SOX5: variants seen among roughly 807,000 people sequenced by gnomAD.
SOX5 encodes the protein transcription factor SOX-5.
A neutral mutation model predicts 92.0 loss-of-function variants in SOX5; 9 were observed. The observed-to-expected ratio is 0.10, with a 90% CI of 0.06 to 0.17. The LOEUF (loss-of-function observed/expected upper bound fraction) is 0.17, where lower values mean the gene tolerates loss of function less well. SOX5 is among the 10% of genes least tolerant of loss of function. SOX5 has a pLI of 1.00. For synonymous variants in SOX5, 344 were observed against 336.3 expected, an observed-to-expected ratio of 1.02 and a Z score of -0.25; for missense variants, 642 against 944.5, an observed-to-expected ratio of 0.68 and a Z score of 4.20.
intron 2 of SOX5, among the ~76,000 whole-genome samples, chr12:24,293,192 G>C (rs773886356): frequency 4.6e-5 from 7 of 152,122 alleles, no homozygotes; most frequent in African/African-American, 1.7e-4. Flanking sequence ...ATAGCTATAA[G>C]GTGATATGTG....
intron 1 of SOX5, among the ~76,000 whole-genome samples, chr12:24,516,899 C>T (rs1949837460): frequency 3.3e-5 from 5 of 152,036 alleles, no homozygotes; most frequent in Non-Finnish European, 7.4e-5. Flanking sequence ...TAAATGTATT[C>T]CTTTGTATCC....
In SOX5 at chr12:24,430,925, G is replaced by A. The variant is rs150233332; in HGVS notation, c.-250-62286C>T. On this transcript the variant is annotated intron_variant, in intron 1 of 4. Transcript: ENST00000446891. The stretch of plus-strand genomic sequence containing the variant: ...TGGAAAGTTGCACTAAATTATATCC[G>A]ATGTCTCTTTATTCTTGAAAATTGT... Among the ~76,000 whole-genome samples, 397 of 152,150 alleles carry A rather than the reference G, an allele frequency of 2.6e-3. 5 individuals are homozygous for A. The highest frequency in any genetic ancestry group is 9.0e-3 in the African/African-American group (374 of 41,498).
chr12:24,462,335 T>C (rs965376039), intron 1 of SOX5, among the ~76,000 whole-genome samples: 7 of 152,294 alleles, frequency 4.6e-5, no homozygotes, highest in Middle Eastern at 3.4e-3. Context: ...GGGACCACCA[T>C]CCTATATATT....
chr12:23,860,676 T>C (rs1050076755), intron 2 of SOX5, among the ~76,000 whole-genome samples: 2 of 152,136 alleles, frequency 1.3e-5, no homozygotes, highest in African/African-American at 4.8e-5. Flanking sequence ...TAAAGGTAGA[T>C]GTGCCTACAA....
intron 4 of SOX5, among the ~76,000 whole-genome samples, chr12:23,973,354 T>C (rs1948569531): frequency 6.6e-6 from 1 of 151,592 alleles, no homozygotes; most frequent in African/African-American, 2.4e-5. Context: ...AAAGATGGGG[T>C]TTCACCATGC....
At chr12:24,179,552 T>C (rs1955232224) in intron 4 of SOX5, among the ~76,000 whole-genome samples, 1 of 152,176 alleles carries the variant, frequency 6.6e-6, no homozygotes, top group South Asian at 2.1e-4. Context: ...TTTTCGGATA[T>C]TGTATTTTGT....
At chr12:24,482,959 TATATAA>T in intron 1 of SOX5, among the ~76,000 whole-genome samples, 1 of 152,186 alleles carries the variant, frequency 6.6e-6, no homozygotes. Flanking sequence ...ATAATATACA[TATATAA>T]ATATAAACAT....
intron 1 of SOX5, among the ~76,000 whole-genome samples, 182 bp downstream of exon 1, chr12:23,949,382 C>A (rs988080906): frequency 1.3e-5 from 2 of 152,082 alleles, no homozygotes; most frequent in African/African-American, 4.8e-5. Context: ...GGAGACTTTG[C>A]AAATCAGTTC....
At chr12:23,672,447 A>C (rs1350841608) in intron 6 of SOX5, among the ~76,000 whole-genome samples, 1 of 152,126 alleles carries the variant, frequency 6.6e-6, no homozygotes, top group Non-Finnish European at 1.5e-5. Flanking sequence ...CCCTGTCACC[A>C]AAGGGCCCCT....
chr12:23,745,396 C>A lies in SOX5; in HGVS notation c.569-4357G>T, dbSNP rs528541393. On this transcript the variant is annotated intron_variant, in intron 4 of 14. Coordinates refer to ENST00000451604, the MANE Select transcript of SOX5 (RefSeq NM_006940.6). Reference sequence around the variant, plus strand: ...GTACCAAAATTACTTTCCTAGATAACAAAGTCATATCATGTCAGAGTCTAG... The same window carrying A: ...GTACCAAAATTACTTTCCTAGATAAAAAAGTCATATCATGTCAGAGTCTAG... Among the ~76,000 whole-genome samples the A allele has an allele frequency of 1.1e-4, 16 of 152,222 alleles. No individual in the cohort carries two copies. The South Asian group carries it at 1.2e-3, about 12-fold the overall frequency.
At chr12:23,569,858 T>C (rs1033245836) in intron 10 of SOX5, among the ~76,000 whole-genome samples, 1 of 152,268 alleles carries the variant, frequency 6.6e-6, no homozygotes, top group Non-Finnish European at 1.5e-5. Context: ...TGAATGTTTT[T>C]AGTGTCCTAT....
At chr12:24,137,403 C>T (rs190123412) in intron 4 of SOX5, among the ~76,000 whole-genome samples, 21 of 152,172 alleles carry the variant, frequency 1.4e-4, no homozygotes, top group African/African-American at 3.1e-4. Flanking sequence ...GAGGCCGAGG[C>T]GTGCGGATCA....
chr12:24,295,317 CTCT>C (rs1565848439), intron 2 of SOX5, among the ~76,000 whole-genome samples: 1 of 152,124 alleles, frequency 6.6e-6, no homozygotes, highest in Non-Finnish European at 1.5e-5. Flanking sequence ...CTTCAATACC[CTCT>C]TGTTTAAGTA....
chr12:23,665,517 A>G lies in SOX5; in HGVS notation c.858T>C (p.Asp286=). 4.3e-6 allele frequency: 7 copies of G among 1,613,602 alleles called. No homozygotes were observed. The highest frequency in any genetic ancestry group is 3.4e-6 in the Non-Finnish European group (4 of 1,179,602). ...GGGCAGCTGCAGCCAGTGTCCGTTG[A>G]TCAGGAGGGAATACGGGAATCATTA... ...PPLMIPVFPP[D]QRTLAAAAQQ... is the part of the protein sequence containing the mutation. The change falls in exon 7 of 15, where the codon GAT becomes GAC. Residue 286 remains aspartate, a synonymous_variant. Coordinates refer to ENST00000451604, the MANE Select transcript of SOX5 (RefSeq NM_006940.6).
intron 3 of SOX5, among the ~76,000 whole-genome samples, chr12:23,833,095 A>G (rs10842231): frequency 2.0e-5 from 3 of 151,898 alleles, no homozygotes; most frequent in African/African-American, 7.3e-5. Flanking sequence ...GTACAAATAC[A>G]TATATTTTCA....
intron 4 of SOX5, among the ~76,000 whole-genome samples, chr12:24,074,653 A>AAAAAAAAAC (rs1942285811): frequency 6.7e-6 from 1 of 149,440 alleles, no homozygotes; most frequent in African/African-American, 2.5e-5. Context: ...AAAAAAAAAA[A>AAAAAAAAAC]GCTCAATATT....
At chr12:24,389,717 C>G (rs1041174209) in intron 1 of SOX5, among the ~76,000 whole-genome samples, 1 of 152,138 alleles carries the variant, frequency 6.6e-6, no homozygotes, top group Non-Finnish European at 1.5e-5. Context: ...CACATGTTTT[C>G]ATTTTGCTTG....
chr12:24,371,999 AAGAGAGAG>A lies in SOX5; in HGVS notation c.-250-3368_-250-3361del, dbSNP rs549724316. Among the ~76,000 whole-genome samples, 4 of 151,404 alleles carry A rather than the reference AAGAGAGAG, an allele frequency of 2.6e-5. No individual in the cohort carries two copies. The East Asian group carries it at 7.7e-4, about 29-fold the overall frequency. ...TGAGACTCTGCCTTTAAAAAAAAAA[AAGAGAGAG>A]AGAGAGAGATCATTTGGAAAACTCA... is the stretch of plus-strand genomic sequence containing the variant. On this transcript the variant is annotated intron_variant, in intron 1 of 4. Coordinates refer to the SOX5 transcript ENST00000446891.
intron 4 of SOX5, among the ~76,000 whole-genome samples, chr12:23,973,179 T>G (rs1240867787): frequency 4.3e-5 from 5 of 115,470 alleles, no homozygotes; most frequent in Non-Finnish European, 7.6e-5. Context: ...TTTTTTTTTT[T>G]GAGACAAATT....
Sources: allele counts gnomAD v4.1 joint callset (sites outside exome capture counted in the v4.1 genomes callset), GRCh38; gene constraint gnomAD v4.1.1; transcripts MANE v1.5; gene names NCBI Gene and HGNC (gene_info 2026-07-23, HGNC 2026-07-21).